The following SHLD1 variants were observed in gnomAD, a reference collection of about 807,000 sequenced individuals.
SHLD1 encodes the protein RINN1-REV7-interacting novel NHEJ regulator 3.
A neutral mutation model predicts 5.5 loss-of-function variants in SHLD1; 3 were observed. The ratio of observed to expected loss-of-function variants is 0.54; its 90% CI spans 0.25 to 1.40. The LOEUF is 1.40. Ranked by LOEUF, SHLD1 falls within the 40% of genes most tolerant of loss-of-function variation. The pLI is 0.15. For missense variants in SHLD1, 210 were observed against 244.4 expected, an observed-to-expected ratio of 0.86 and a Z score of 0.94; for synonymous variants, 92 against 94.3, an observed-to-expected ratio of 0.98 and a Z score of 0.14.
intron 2 of SHLD1, among the ~76,000 whole-genome samples, chr20:5,792,883 C>T (rs2087162031): frequency 6.6e-6 from 1 of 151,878 alleles, no homozygotes; most frequent in Non-Finnish European, 1.5e-5. Flanking sequence ...TCATGTTGGC[C>T]AGGCTGGTCT....
At chr20:5,835,973 T>C (rs1428786882) in intron 2 of SHLD1, among the ~76,000 whole-genome samples, 1 of 152,216 alleles carries the variant, frequency 6.6e-6, no homozygotes, top group African/African-American at 2.4e-5. Flanking sequence ...ACATGACCGA[T>C]CGGAGGTTAA....
chr20:5,848,146 A>C (rs949342774), intron 2 of SHLD1, among the ~76,000 whole-genome samples: 6 of 152,262 alleles, frequency 3.9e-5, no homozygotes, highest in African/African-American at 1.4e-4. Flanking sequence ...AAAACTTTGC[A>C]TATTGAAAGT....
chr20:5,821,083 T>A (rs1174951468), intron 2 of SHLD1, among the ~76,000 whole-genome samples: 1 of 152,248 alleles, frequency 6.6e-6, no homozygotes, highest in Non-Finnish European at 1.5e-5. Context: ...AATCTTTTAA[T>A]ATCTGTGCTT....
At chr20:5,834,313 A>C (rs1288078840) in intron 2 of SHLD1, among the ~76,000 whole-genome samples, 1 of 152,176 alleles carries the variant, frequency 6.6e-6, no homozygotes, top group Non-Finnish European at 1.5e-5. Context: ...TTTCCAAGTT[A>C]ATTTTTTTGA....
chr20:5,856,705 C>T (rs1300559914), intron 2 of SHLD1, among the ~76,000 whole-genome samples: 1 of 152,228 alleles, frequency 6.6e-6, no homozygotes, highest in East Asian at 1.9e-4. Context: ...CCACTACTCC[C>T]TGGTTCACCT....
At chr20:5,835,992 T>A (rs2087784297) in intron 2 of SHLD1, among the ~76,000 whole-genome samples, 1 of 152,134 alleles carries the variant, frequency 6.6e-6, no homozygotes, top group African/African-American at 2.4e-5. Context: ...AAATAAAACT[T>A]CCAAAGCAGG....
intron 2 of SHLD1, among the ~76,000 whole-genome samples, chr20:5,798,854 G>C (rs112556770): frequency 0.012 from 1,749 of 152,066 alleles, 28 homozygotes; most frequent in African/African-American, 0.04. Context: ...TCCTGACCTC[G>C]TGATCCGCCC....
rs116600681 is a variant in SHLD1, at chr20:5,806,059, C to G, written c.178+33016C>G. 0.011 allele frequency among the ~76,000 whole-genome samples: 1,657 copies of G among 152,158 alleles called. 39 individuals carry two copies. The highest frequency in any genetic ancestry group is 0.038 in the African/African-American group (1,593 of 41,496). ...TTTAAATATTTTTTAGAGATGCGGC[C>G]TTGCTCTGTTGCCCAGGCTAGTTTA... On this transcript the variant is annotated intron_variant, in intron 2 of 2. Coordinates refer to ENST00000303142, the MANE Select transcript of SHLD1 (RefSeq NM_152504.4). The surrounding 1 kb of genome is among the most constrained non-coding windows in gnomAD (Gnocchi z 7.6).
In SHLD1 at chr20:5,763,946, TAAA is replaced by T. The variant is rs1233102331; in HGVS notation, c.-4-8895_-4-8893del. 4.9e-3 allele frequency among the ~76,000 whole-genome samples: 342 copies of T among 70,184 alleles called. 2 individuals carry two copies. The highest frequency in any genetic ancestry group is 6.2e-3 in the Non-Finnish European group (240 of 38,668). 46.0% of individuals were successfully genotyped at this position (70,184 alleles called of 152,430 possible). ...CAGCATGGTGAAACCCCGTCTTTAC[TAAA>T]AAAAAAAAAAAAAAAAAAAATAGAA... On this transcript the variant is annotated intron_variant, in intron 1 of 2. Transcript: ENST00000303142.
intron 2 of SHLD1, among the ~76,000 whole-genome samples, chr20:5,779,306 C>T (rs1214050893): frequency 6.6e-6 from 1 of 152,146 alleles, no homozygotes; most frequent in African/African-American, 2.4e-5. Context: ...GAGGTCACTG[C>T]CCTAACAGCC....
chr20:5,811,647 G>A (rs1445574151), intron 2 of SHLD1, among the ~76,000 whole-genome samples: 1 of 152,078 alleles, frequency 6.6e-6, no homozygotes, highest in Non-Finnish European at 1.5e-5. Flanking sequence ...TTGAGCCCAG[G>A]AGTTCAAGAC....
intron 2 of SHLD1, among the ~76,000 whole-genome samples, chr20:5,831,119 A>G (rs1472413506): frequency 6.6e-6 from 1 of 152,228 alleles, no homozygotes; most frequent in African/African-American, 2.4e-5. Flanking sequence ...CTTATGAGAA[A>G]AGGAACACCA....
chr20:5,839,003 T>C (rs1277807520), intron 2 of SHLD1, among the ~76,000 whole-genome samples: 1 of 152,198 alleles, frequency 6.6e-6, no homozygotes, highest in African/African-American at 2.4e-5. Context: ...ATATCTATCA[T>C]TTCCTCCTAC....
intron 2 of SHLD1, among the ~76,000 whole-genome samples, chr20:5,837,047 G>T (rs529565170): frequency 5.9e-5 from 9 of 152,320 alleles, no homozygotes; most frequent in African/African-American, 2.2e-4. Flanking sequence ...TGGGGCCCAG[G>T]TCAGCAGCTA....
At chr20:5,789,252 T>A (rs569323289) in intron 2 of SHLD1, among the ~76,000 whole-genome samples, 54 of 151,468 alleles carry the variant, frequency 3.6e-4, no homozygotes, top group Non-Finnish European at 6.2e-4. Context: ...AGGATTTAAA[T>A]TTTACTTTTT....
chr20:5,805,483 C>T (rs181052903), intron 2 of SHLD1, among the ~76,000 whole-genome samples: 35 of 152,068 alleles, frequency 2.3e-4, no homozygotes, highest in African/African-American at 8.2e-4. Context: ...GAAATTAGGC[C>T]ATTCTATAAG....
In SHLD1 at chr20:5,829,695, A is replaced by G. The variant is rs561553774; in HGVS notation, c.179-33329A>G. On this transcript the variant is annotated intron_variant, in intron 2 of 2. Transcript: ENST00000303142. ...TTGCATAGAAGCAATTCAAAGCTCA[A>G]TACTGTCATGTTTTTCATTAATTTA... Among the ~76,000 whole-genome samples, 29 of 152,352 alleles carry G rather than the reference A, an allele frequency of 1.9e-4. No homozygotes were observed. In the South Asian group the frequency reaches 5.6e-3, roughly 29 times the overall value.
In SHLD1 at chr20:5,863,470, C is replaced by T. The variant is rs765142480; in HGVS notation, c.*7C>T. On this transcript the variant is annotated 3_prime_UTR_variant, in exon 3 of 3. Coordinates refer to ENST00000303142, the MANE Select transcript of SHLD1 (RefSeq NM_152504.4). Reference sequence around the variant, plus strand: ...TGTAATGAAAGACCTGTAACTGGTGCCGGGCAGTGTGCAGGGTAGTAATGG... The same window carrying T: ...TGTAATGAAAGACCTGTAACTGGTGTCGGGCAGTGTGCAGGGTAGTAATGG... 2 of 1,586,484 alleles carry T rather than the reference C, an allele frequency of 1.3e-6. No homozygotes were observed. The highest frequency in any genetic ancestry group is 1.7e-6 in the Non-Finnish European group (2 of 1,166,998).
intron 2 of SHLD1, among the ~76,000 whole-genome samples, chr20:5,807,629 C>T (rs147665366): frequency 6.6e-6 from 1 of 152,160 alleles, no homozygotes; most frequent in Non-Finnish European, 1.5e-5. Flanking sequence ...ACCTCAGCCT[C>T]CTGAGTCACT....
Sources: gnomAD v4.1 joint callset for allele counts (sites outside exome capture counted in the v4.1 genomes callset) on GRCh38, gnomAD v4.1.1 for gene constraint, Gnocchi (gnomAD v3.1) non-coding constraint, MANE v1.5 for transcripts, NCBI Gene and HGNC (gene_info 2026-07-23, HGNC 2026-07-21) for gene names.